KLF13: variants seen among roughly 807,000 people sequenced by gnomAD.
KLF13 encodes the protein KLF transcription factor 13, also known as Krueppel-like factor 13.
KLF13 carries 8 observed loss-of-function variants against 16.7 expected under a neutral mutation model. The observed-to-expected ratio is 0.48, with a 90% CI of 0.28 to 0.87. KLF13 has a LOEUF of 0.87. Among genes scored for constraint, KLF13 ranks in the 40% least tolerant of loss-of-function variants. The pLI is 0.10. For synonymous variants in KLF13, 245 were observed against 208.4 expected (o/e 1.18, Z -1.51); for missense variants, 447 against 452.2 (o/e 0.99, Z 0.10).
downstream of KLF13, among the ~76,000 whole-genome samples, chr15:31,382,116 A>G (rs2039734509): frequency 6.6e-6 from 1 of 152,216 alleles, no homozygotes; most frequent in South Asian, 2.1e-4. Flanking sequence ...TCAGGCCCCC[A>G]GGCCAGGCCT....
intron 1 of KLF13, among the ~76,000 whole-genome samples, chr15:31,329,440 G>A (rs1412696546): frequency 6.6e-6 from 1 of 152,082 alleles, no homozygotes; most frequent in Admixed American, 6.5e-5. Flanking sequence ...CTCTGTCAGG[G>A]TGGCCTGCCA....
At chr15:31,381,171 C>CAAAAAAAA (rs398043115), downstream of KLF13, among the ~76,000 whole-genome samples, 65 of 121,226 alleles carry the variant, frequency 5.4e-4, 2 homozygotes, top group African/African-American at 8.5e-4. Context: ...GACTCTGTCT[C>CAAAAAAAA]AAAAAAAAAA....
intron 1 of KLF13, among the ~76,000 whole-genome samples, chr15:31,411,509 C>T (rs1012220751): frequency 1.3e-5 from 2 of 151,588 alleles, no homozygotes; most frequent in Non-Finnish European, 1.5e-5. Flanking sequence ...CATTCTCCTG[C>T]CTCAGCCTCC....
At chr15:31,421,720 G>A (rs1247169007) in intron 1 of KLF13, among the ~76,000 whole-genome samples, 1 of 152,066 alleles carries the variant, frequency 6.6e-6, no homozygotes, top group Non-Finnish European at 1.5e-5. Flanking sequence ...AGCAAGAAAG[G>A]AAAAGGGACA....
intron 1 of KLF13, among the ~76,000 whole-genome samples, chr15:31,427,922 A>G (rs1283929807): frequency 6.6e-6 from 1 of 152,162 alleles, no homozygotes; most frequent in Non-Finnish European, 1.5e-5. Flanking sequence ...TGTCCCCATG[A>G]TCCAATCACC....
At chr15:31,406,394 T>A (rs11635499), downstream of KLF13, among the ~76,000 whole-genome samples, 5 of 152,066 alleles carry the variant, frequency 3.3e-5, no homozygotes, top group Admixed American at 1.3e-4. Context: ...GGAGAATCGC[T>A]TGAACCCGGG....
intron 1 of KLF13, among the ~76,000 whole-genome samples, chr15:31,367,784 G>A (rs535726528): frequency 5.3e-5 from 8 of 152,290 alleles, no homozygotes; most frequent in South Asian, 2.1e-4. Flanking sequence ...TGCTGAGGCC[G>A]GTCGTGCGCA....
exon 1 of KLF13, chr15:31,393,114 G>C (rs2039897831): frequency 6.6e-6 from 1 of 152,298 alleles, no homozygotes; most frequent in South Asian, 2.1e-4. Context: ...ACCCACAGCG[G>C]CTTCCCCTCT....
intron 1 of KLF13, among the ~76,000 whole-genome samples, chr15:31,331,680 G>C (rs552946838): frequency 1.3e-5 from 2 of 152,220 alleles, no homozygotes; most frequent in East Asian, 3.9e-4. Flanking sequence ...CCTCCCTCTC[G>C]TACCCTCGCT....
intron 1 of KLF13, among the ~76,000 whole-genome samples, chr15:31,328,076 T>TGGGCTGG (rs2038752618): frequency 2.8e-5 from 4 of 143,766 alleles, no homozygotes; most frequent in African/African-American, 7.7e-5. Context: ...TATAGTCATC[T>TGGGCTGG]GGGCTGGGGG....
intron 1 of KLF13, among the ~76,000 whole-genome samples, chr15:31,369,724 C>G (rs2039528296): frequency 6.6e-6 from 1 of 152,162 alleles, no homozygotes; most frequent in African/African-American, 2.4e-5. Context: ...TGCAATGGCC[C>G]TTTACTATTC....
At chr15:31,402,918 T>C (rs1566838347) in intron 2 of KLF13, among the ~76,000 whole-genome samples, 1 of 149,608 alleles carries the variant, frequency 6.7e-6, no homozygotes, top group Non-Finnish European at 1.5e-5. Context: ...ATGGGACTCG[T>C]GAACTGTTTT....
intron 1 of KLF13, among the ~76,000 whole-genome samples, chr15:31,385,995 A>G (rs1178582087): frequency 6.6e-6 from 1 of 152,270 alleles, no homozygotes; most frequent in Non-Finnish European, 1.5e-5. Flanking sequence ...CATGAATGAT[A>G]CGAAAGTGAA....
chr15:31,364,173 T>A (rs71474658), intron 1 of KLF13, among the ~76,000 whole-genome samples: 8 of 152,196 alleles, frequency 5.3e-5, no homozygotes, highest in Non-Finnish European at 1.2e-4. Flanking sequence ...GCTATTACTG[T>A]GTGTTTTTCT....
rs1256498486 is a variant in KLF13 at position 31,372,313 on chromosome 15, A to G, written c.*14A>G. 2 of 1,455,484 alleles carry G rather than the reference A, an allele frequency of 1.4e-6. No individual in the cohort carries two copies. The highest frequency in any genetic ancestry group is 2.6e-5 in the Admixed American group (1 of 38,164). 90.2% of individuals were successfully genotyped at this position (1,455,484 alleles called of 1,614,324 possible). ...AGCTCGCCCTGAGCCCGCCACAGCC[A>G]TGAGCAGCCGCTCCCACCCCCTCGT... On this transcript the variant is annotated 3_prime_UTR_variant, in exon 2 of 2. Transcript: ENST00000307145.
chr15:31,384,557 C>T (rs1392619267), intron 1 of KLF13, among the ~76,000 whole-genome samples: 2 of 152,154 alleles, frequency 1.3e-5, no homozygotes, highest in Non-Finnish European at 2.9e-5. Context: ...ACTCAGGTAT[C>T]ACTTTTGTCA....
intron 1 of KLF13, among the ~76,000 whole-genome samples, chr15:31,335,718 T>C (rs1305952597): frequency 6.6e-6 from 1 of 152,124 alleles, no homozygotes; most frequent in Non-Finnish European, 1.5e-5. Flanking sequence ...GGTGACTTGT[T>C]TGGGGAAGCA....
chr15:31,415,354 G>T (rs1236212732), intron 1 of KLF13, among the ~76,000 whole-genome samples: 1 of 152,184 alleles, frequency 6.6e-6, no homozygotes, highest in African/African-American at 2.4e-5. Flanking sequence ...CTTCTCAAGT[G>T]TACATAAAAC....
Position 31,327,169 on chromosome 15 carries a change from G to A in KLF13, c.-44G>A. On this transcript the variant is annotated 5_prime_UTR_variant, in exon 1 of 2. The change abolishes the stop of an existing upstream ORF in the 5' untranslated region. Coordinates refer to ENST00000307145, the MANE Select transcript of KLF13 (RefSeq NM_015995.4). ...AGGCCGTGGGTGCGGATGCGCGGCT[G>A]ACGACTCGCAGCAAGAGCACCGCCG... 5 of 1,277,298 alleles carry A rather than the reference G, an allele frequency of 3.9e-6. No individual in the cohort carries two copies. The highest frequency in any genetic ancestry group is 4.9e-6 in the Non-Finnish European group (5 of 1,012,322). 79.1% of individuals were successfully genotyped at this position (1,277,298 alleles called of 1,614,324 possible). A position where few individuals can be genotyped will look rare whatever the true frequency, so the allele number is the denominator to read the frequency against.
Sources: allele counts gnomAD v4.1 joint callset (sites outside exome capture counted in the v4.1 genomes callset), GRCh38; gene constraint gnomAD v4.1.1; transcripts MANE v1.5; gene names NCBI Gene and HGNC (gene_info 2026-07-23, HGNC 2026-07-21).